The following CNTLN variants were observed in gnomAD, a reference collection of about 807,000 sequenced individuals.
CNTLN encodes the protein centlein, also known as centlein, centrosomal protein.
Under a neutral mutation model 180.0 loss-of-function variants are expected in CNTLN, and 212 were observed. That is an observed-to-expected ratio of 1.18 (90% CI 1.05 to 1.32). CNTLN has a LOEUF of 1.32. Ranked by LOEUF, CNTLN falls within the 40% of genes most tolerant of loss-of-function variation. The pLI is 0.00. For synonymous variants in CNTLN, 722 were observed against 563.1 expected, an observed-to-expected ratio of 1.28 and a Z score of -3.99; for missense variants, 2,095 against 1,610.9, an observed-to-expected ratio of 1.30 and a Z score of -5.14.
At chr9:17,277,100 T>TACAA (rs1828362346) in intron 6 of CNTLN, among the ~76,000 whole-genome samples, 1 of 75,756 alleles carries the variant, frequency 1.3e-5, no homozygotes, top group Non-Finnish European at 2.8e-5. Context: ...GATTTCCTTC[T>TACAA]TTGAAGTTCA....
chr9:17,402,572 G>A (rs1827066302), intron 15 of CNTLN, among the ~76,000 whole-genome samples: 1 of 151,750 alleles, frequency 6.6e-6, no homozygotes, highest in Non-Finnish European at 1.5e-5. Context: ...AAATCAGTGA[G>A]CTTTGGATAA....
chr9:17,239,763 A>C (rs1288266768), intron 5 of CNTLN, among the ~76,000 whole-genome samples: 1 of 152,178 alleles, frequency 6.6e-6, no homozygotes, highest in East Asian at 1.9e-4. Context: ...ACCATTATTG[A>C]ATATCAGTTG....
intron 11 of CNTLN, among the ~76,000 whole-genome samples, chr9:17,342,076 C>A (rs370965514): frequency 2.0e-4 from 31 of 152,090 alleles, no homozygotes; most frequent in African/African-American, 6.5e-4. Flanking sequence ...TGAATGGGAG[C>A]AATAGACCTT....
rs137856302 is a variant in CNTLN at position 17,308,281 on chromosome 9, T to A, written c.1147-777T>A. Among the ~76,000 whole-genome samples the A allele has an allele frequency of 5.0e-3, 756 of 152,234 alleles. 4 individuals are homozygous for A. Among genetic ancestry groups the A allele is most frequent in the African/African-American group, 0.017 (703 of 41,554 alleles). ...GCCTTGACTTAAAAAGGTTTTAAAG[T>A]TATTAATAAGTCTTCAAAATATTGC... On this transcript the variant is annotated intron_variant, in intron 7 of 25. Coordinates refer to ENST00000380647, the MANE Select transcript of CNTLN (RefSeq NM_017738.4).
intron 19 of CNTLN, among the ~76,000 whole-genome samples, chr9:17,460,226 G>A (rs551106437): frequency 2.8e-4 from 43 of 151,712 alleles, no homozygotes; most frequent in Non-Finnish European, 2.1e-4. Flanking sequence ...ACATAGAGCC[G>A]AGATGAGAAC....
At chr9:17,496,464 A>G (rs1284720964) in intron 25 of CNTLN, among the ~76,000 whole-genome samples, 2 of 152,146 alleles carry the variant, frequency 1.3e-5, no homozygotes, top group Non-Finnish European at 2.9e-5. Context: ...AAGGCTACTA[A>G]TCCCATTCAG....
chr9:17,464,481 CT>C lies in CNTLN; in HGVS notation c.3405-5del, dbSNP rs746736576. ...TATTTTCTGTCACTCTTGATGTCAC[CT>C]TTTTTTTTTTCAAGGATATCTCGAA... On this transcript the variant is annotated splice_polypyrimidine_tract_variant and intron_variant, in intron 20 of 25. Transcript: ENST00000380647. 19,733 of 1,035,222 alleles carry C rather than the reference CT, an allele frequency of 0.019. No homozygotes were observed. Among genetic ancestry groups the C allele is most frequent in the East Asian group, 0.026 (688 of 26,348 alleles). The allele number at this position is 1,035,222 out of a possible 1,614,324, so 64.1% of individuals were successfully genotyped here. A position where few individuals can be genotyped will look rare whatever the true frequency, so the allele number is the denominator to read the frequency against.
intron 2 of CNTLN, among the ~76,000 whole-genome samples, chr9:17,191,566 A>G (rs1821788459): frequency 6.6e-6 from 1 of 152,148 alleles, no homozygotes; most frequent in African/African-American, 2.4e-5. Context: ...TAATTTCTGT[A>G]TTTTGGAATA....
chr9:17,312,369 T>TATATAATATATATATATATA (rs1695233107), intron 8 of CNTLN, among the ~76,000 whole-genome samples: 1 of 34,408 alleles, frequency 2.9e-5, no homozygotes, highest in African/African-American at 7.9e-5. Context: ...ATATATTATA[T>TATATAATATATATATATATA]ATATATATAT....
intron 19 of CNTLN, among the ~76,000 whole-genome samples, chr9:17,462,651 T>C (rs1210446454): frequency 6.6e-6 from 1 of 151,736 alleles, no homozygotes; most frequent in Non-Finnish European, 1.5e-5. Flanking sequence ...TCATATTTCC[T>C]GTAAATGTAT....
At chr9:17,248,337 A>G (rs1825927713) in intron 5 of CNTLN, among the ~76,000 whole-genome samples, 1 of 151,950 alleles carries the variant, frequency 6.6e-6, no homozygotes, top group African/African-American at 2.4e-5. Context: ...AGTTGGGTAG[A>G]ATTCACCAGT....
chr9:17,464,685 C>T (rs952701773), intron 21 of CNTLN, 62 bp downstream of exon 21: 1 of 1,032,532 alleles, frequency 9.7e-7, no homozygotes, highest in African/African-American at 1.7e-5. Flanking sequence ...TACTCTCTTA[C>T]CACAAACATT....
chr9:17,340,886 G>A lies in CNTLN; in HGVS notation c.1704G>A (p.Met568Ile), dbSNP rs766088604. Reference protein sequence around the residue: ...AHEKRKERLQMLQTNYRAVKE... With the variant: ...AHEKRKERLQILQTNYRAVKE... ...AAAAACGCAAGGAACGGCTACAGAT[G>A]TTACAGACCAACTACAGAGCAGTAA... Residue 568 changes from methionine to isoleucine, a missense_variant, in exon 11 of 26, where the codon ATG becomes ATA. Physicochemically the swap from Met to Ile is conservative, Grantham distance 10 (BLOSUM62 1). Transcript: ENST00000380647. 14 of 1,612,362 alleles carry A rather than the reference G, an allele frequency of 8.7e-6. No individual in the cohort carries two copies. Among genetic ancestry groups the A allele is most frequent in the South Asian group, 2.2e-5 (2 of 90,948 alleles).
chr9:17,509,793 C>A, the CNTLN span, among the ~76,000 whole-genome samples: 1 of 152,132 alleles, frequency 6.6e-6, no homozygotes, highest in Non-Finnish European at 1.5e-5. Flanking sequence ...GCTTCCTGTT[C>A]TTGTGACTTT....
chr9:17,208,128 G>C (rs1437879970), intron 2 of CNTLN, among the ~76,000 whole-genome samples: 1 of 152,070 alleles, frequency 6.6e-6, no homozygotes, highest in Non-Finnish European at 1.5e-5. Context: ...TTATTGTGTT[G>C]AGATATGTTT....
At chr9:17,180,011 A>G (rs1007135313) in intron 2 of CNTLN, among the ~76,000 whole-genome samples, 2 of 152,160 alleles carry the variant, frequency 1.3e-5, no homozygotes, top group Non-Finnish European at 1.5e-5. Flanking sequence ...AAGAATGATT[A>G]CATATCTTTT....
In CNTLN at chr9:17,285,543, T is replaced by C. The variant is rs1485516437; in HGVS notation, c.983+11677T>C. ...CAAGTAATGGGATGGCTGGGTCAAA[T>C]GGTATTTCTAGTTCTAGATCCCTGA... On this transcript the variant is annotated intron_variant, in intron 6 of 25. Coordinates refer to ENST00000380647, the MANE Select transcript of CNTLN (RefSeq NM_017738.4). Among the ~76,000 whole-genome samples the C allele has an allele frequency of 2.2e-5, 3 of 135,648 alleles. 1 individual carries two copies. Among genetic ancestry groups the C allele is most frequent in the African/African-American group, 6.2e-5 (2 of 32,274 alleles). 89.0% of individuals were successfully genotyped at this position (135,648 alleles called of 152,430 possible).
intron 5 of CNTLN, among the ~76,000 whole-genome samples, chr9:17,264,240 C>G (rs1407377359): frequency 6.7e-6 from 1 of 148,552 alleles, no homozygotes; most frequent in African/African-American, 2.5e-5. Context: ...AGGAAGGGAT[C>G]CAGTTTCAGC....
chr9:17,210,956 C>T (rs1823259784), intron 2 of CNTLN, among the ~76,000 whole-genome samples: 1 of 151,948 alleles, frequency 6.6e-6, no homozygotes. Context: ...TGGATATTAC[C>T]CCTTTGTCAG....
Sources: allele counts gnomAD v4.1 joint callset (sites outside exome capture counted in the v4.1 genomes callset), GRCh38; gene constraint gnomAD v4.1.1; transcripts MANE v1.5; gene names NCBI Gene and HGNC (gene_info 2026-07-23, HGNC 2026-07-21).